Variants in SPEG observed in about 807,000 individuals in gnomAD.
The protein encoded by SPEG is striated muscle enriched protein kinase.
In SPEG, 114 loss-of-function variants were observed where a neutral mutation model predicts 300.4. That is an observed-to-expected ratio of 0.38 (90% CI 0.33 to 0.44). The LOEUF is 0.44. SPEG is among the 20% of genes least tolerant of loss of function. The pLI is 1.00. For synonymous variants in SPEG, 1,964 were observed against 2,018.9 expected, an observed-to-expected ratio of 0.97 and a Z score of 0.73; for missense variants, 4,201 against 4,586.2, an observed-to-expected ratio of 0.92 and a Z score of 2.43.
At position 219,483,388 on chromosome 2, in the gene SPEG, G is replaced by T. The variant is rs751166275; in HGVS notation, c.5925G>T (p.Glu1975Asp). 1 of 1,597,926 alleles carries T rather than the reference G, an allele frequency of 6.3e-7. No individual in the cohort carries two copies. Among genetic ancestry groups the T allele is most frequent in the Non-Finnish European group, 8.5e-7 (1 of 1,176,018 alleles). ...TGAATPMDWQEQGRAPSQDQE... is the reference protein window; with the variant it reads ...TGAATPMDWQDQGRAPSQDQE... ...CTGCCACCCCCATGGACTGGCAGGAGCAGGGAAGGGCTCCCTCTCAGGACC... is the reference window on the plus strand; with the variant it reads ...CTGCCACCCCCATGGACTGGCAGGATCAGGGAAGGGCTCCCTCTCAGGACC... Residue 1975 changes from glutamate (E) to aspartate (D), a missense_variant, in exon 30 of 41, where the codon GAG becomes GAT. Transcript: ENST00000312358.
In SPEG at chr2:219,484,596, C is replaced by A; in HGVS notation, c.7133C>A (p.Ala2378Glu). The change falls in exon 30 of 41, where the codon GCG becomes GAG. Residue 2378 changes from alanine (A) to glutamate (E), a missense_variant. By Grantham distance (107) the Ala-to-Glu change is moderately radical. Coordinates refer to ENST00000312358, the MANE Select transcript of SPEG (RefSeq NM_005876.5). ...GATGGCATATACCGGCCCAGCCCGG[C>A]GGGGACCCCGCTGGAGCTGGTGCGA... Reference protein sequence around the residue: ...EEDGIYRPSPAGTPLELVRRP... With the variant: ...EEDGIYRPSPEGTPLELVRRP... 2 of 1,565,924 alleles carry A rather than the reference C, an allele frequency of 1.3e-6. No homozygotes were observed. Among genetic ancestry groups the A allele is most frequent in the Non-Finnish European group, 1.7e-6 (2 of 1,159,892 alleles).
In SPEG at chr2:219,480,715, A is replaced by G. The variant is rs1220332543; in HGVS notation, c.5369+18A>G. 2.5e-6 allele frequency: 4 copies of G among 1,613,228 alleles called. No homozygotes were observed. The highest frequency in any genetic ancestry group is 1.7e-5 in the Admixed American group (1 of 60,010). ...TTCCTCTGGTAAGGACCCCTCTGCA[A>G]TGTCCCAGCAGTCTCCTGGCAGGTC... is the stretch of plus-strand genomic sequence containing the variant. On this transcript the variant is annotated intron_variant, in intron 26 of 40. Transcript: ENST00000312358. The surrounding 1 kb of genome is among the most constrained non-coding windows in gnomAD (Gnocchi z 5.3).
intron 30 of SPEG, 47 bp downstream of exon 30, chr2:219,485,119 T>A (rs781489202): frequency 1.3e-6 from 2 of 1,516,656 alleles, no homozygotes; most frequent in Admixed American, 4.0e-5. Flanking sequence ...GAGGGTGGGG[T>A]GCGCTGGAGA....
At chr2:219,469,123 C>T (rs750363528) in intron 12 of SPEG, 33 bp from the exon 13 acceptor site, 163 of 1,612,406 alleles carry the variant, frequency 1.0e-4, no homozygotes, top group Non-Finnish European at 1.3e-4. Context: ...GAGGCACGGC[C>T]CTGGGCCTGT....
Position 219,468,559 on chromosome 2 carries a change from G to A in SPEG, c.3143-19G>A. ...CCTCCTTAGCCTTCCCTATCTCTGA[G>A]CTGCCCCCTGCCCCACAGATGAGCT... On this transcript the variant is annotated intron_variant, in intron 10 of 40. Transcript: ENST00000312358. 1 of 1,608,546 alleles carries A rather than the reference G, an allele frequency of 6.2e-7. No individual in the cohort carries two copies. Among genetic ancestry groups the A allele is most frequent in the Non-Finnish European group, 8.5e-7 (1 of 1,178,612 alleles).
chr2:219,466,985 G>T, intron 9 of SPEG, 189 bp from the exon 10 acceptor site: 1 of 1,042,802 alleles, frequency 9.6e-7, no homozygotes, highest in South Asian at 2.7e-5. Context: ...AGCTTGGATT[G>T]CCATCTCAAA....
rs997692359 is a variant in SPEG, at chr2:219,492,946, G to A, written c.*160G>A. On this transcript the variant is annotated 3_prime_UTR_variant, in exon 41 of 41. Coordinates refer to ENST00000312358, the MANE Select transcript of SPEG (RefSeq NM_005876.5). ...TACCTCATAGACCTTCAAGGACAGA[G>A]ACCCCAGGGCCTGGACCTGATGCCA... 3.6e-6 allele frequency: 3 copies of A among 834,936 alleles called. No individual in the cohort carries two copies. Among genetic ancestry groups the A allele is most frequent in the Admixed American group, 2.0e-5 (1 of 50,148 alleles). The allele number at this position is 834,936 out of a possible 1,614,324, so 51.7% of individuals were successfully genotyped here. A position where few individuals can be genotyped will look rare whatever the true frequency, so the allele number is the denominator to read the frequency against.
Position 219,484,205 on chromosome 2 carries a change from A to C in SPEG, c.6742A>C (p.Ile2248Leu). The C allele has an allele frequency of 6.2e-7, 1 of 1,611,978 alleles. No individual in the cohort carries two copies. The highest frequency in any genetic ancestry group is 8.5e-7 in the Non-Finnish European group (1 of 1,179,672). The change falls in exon 30 of 41, where the codon ATC becomes CTC. Residue 2248 changes from isoleucine (I) to leucine (L), a missense_variant. Physicochemically the swap from Ile to Leu is conservative, Grantham distance 5. Around this residue, in one of 4 missense-constraint regions of SPEG, gnomAD observed 1,578 missense variants for 1,506.0 expected, o/e 1.05. Coordinates refer to ENST00000312358, the MANE Select transcript of SPEG (RefSeq NM_005876.5). ...GCTGCCCCTCACACCCTATGCTCAG[A>C]TCATTCAGTCCCTCCAGCTGTCAGG... ...LALPLTPYAQ[I>L]IQSLQLSGHA...
Position 219,472,286 on chromosome 2 carries a change from G to T in SPEG, c.3895G>T (p.Val1299Phe), listed in dbSNP as rs374660413. The change falls in exon 15 of 41, where the codon GTC becomes TTC. Residue 1299 changes from valine (V) to phenylalanine (F), a missense_variant. Coordinates refer to ENST00000312358, the MANE Select transcript of SPEG (RefSeq NM_005876.5). ...PQVVAVTGRM[V>F]TLTWNPPRSL... ...GGTGGTGGCTGTGACGGGGAGGATG[G>T]TCACACTCACATGGAACCCCCCCAG... 23 of 1,613,742 alleles carry T rather than the reference G, an allele frequency of 1.4e-5. No individual in the cohort carries two copies. The African/African-American group carries it at 2.7e-4, about 19-fold the overall frequency.
Position 219,458,753 on chromosome 2 carries a change from C to T in SPEG, c.2441-3129C>T, listed in dbSNP as rs918431772. Among the ~76,000 whole-genome samples, 1 of 152,228 alleles carries T rather than the reference C, an allele frequency of 6.6e-6. No homozygotes were observed. Among genetic ancestry groups the T allele is most frequent in the Non-Finnish European group, 1.5e-5 (1 of 68,042 alleles). On this transcript the variant is annotated intron_variant, in intron 6 of 40. Coordinates refer to ENST00000312358, the MANE Select transcript of SPEG (RefSeq NM_005876.5). The surrounding 1 kb of genome is among the most constrained non-coding windows in gnomAD (Gnocchi z 4.2). ...AGATCAGCAGTGGTCCCTAAGCTTT[C>T]ATGTGCCTAAGAGTCATCTGGGGTG...
In SPEG at chr2:219,481,517, A is replaced by C. The variant is rs1692840970; in HGVS notation, c.5522+61A>C. ...GTCACCCTCATACCACCTGCCTGCT[A>C]CTCCCAAACTCCTGCCCCTCGACAT... On this transcript the variant is annotated intron_variant, in intron 27 of 40. Coordinates refer to ENST00000312358, the MANE Select transcript of SPEG (RefSeq NM_005876.5). The surrounding 1 kb of genome is among the most constrained non-coding windows in gnomAD (Gnocchi z 5.4). 6.2e-7 allele frequency: 1 copy of C among 1,605,054 alleles called. No individual in the cohort carries two copies. Among genetic ancestry groups the C allele is most frequent in the East Asian group, 2.2e-5 (1 of 44,724 alleles).
chr2:219,491,837 C>T lies in SPEG; in HGVS notation c.9429C>T (p.Asp3143=). 6.2e-7 allele frequency: 1 copy of T among 1,612,494 alleles called. No individual in the cohort carries two copies. Among genetic ancestry groups the T allele is most frequent in the Non-Finnish European group, 8.5e-7 (1 of 1,179,384 alleles). ...VKGEPIGSAT[D]IWGAGVLTYI... ...GAGAACCCATCGGCTCTGCCACGGA[C>T]ATCTGGGGAGCGGGTGTGCTCACTT... The change falls in exon 39 of 41, where the codon GAC becomes GAT. Residue 3143 remains aspartate (D), a synonymous_variant. Coordinates refer to ENST00000312358, the MANE Select transcript of SPEG (RefSeq NM_005876.5).
chr2:219,444,920 C>T lies in SPEG; in HGVS notation c.574C>T (p.Gln192Ter). The change falls in exon 3 of 41, where the codon CAG becomes TAG. Residue 192 changes from glutamine to a stop codon, truncating the protein, a stop_gained. Coordinates refer to ENST00000312358, the MANE Select transcript of SPEG (RefSeq NM_005876.5). LOFTEE classifies it high-confidence loss of function. The surrounding 1 kb of genome is among the most constrained non-coding windows in gnomAD (Gnocchi z 7.8). ...GCAAGTGAGCTGGTGGGGCAGCGGGCAGACGGTCCTGGAGCAGGAAGCGGG... is the reference window on the plus strand; with the variant it reads ...GCAAGTGAGCTGGTGGGGCAGCGGGTAGACGGTCCTGGAGCAGGAAGCGGG... ...EEQVSWWGSG[Q>*]TVLEQEAGSG... 1 of 1,578,050 alleles carries T rather than the reference C, an allele frequency of 6.3e-7. No individual in the cohort carries two copies. The highest frequency in any genetic ancestry group is 8.6e-7 in the Non-Finnish European group (1 of 1,162,242).
intron 35 of SPEG, 57 bp downstream of exon 35, chr2:219,489,278 G>A (rs2125590888): frequency 1.2e-6 from 2 of 1,613,368 alleles, no homozygotes; most frequent in Non-Finnish European, 1.7e-6. Context: ...TAGGGTTCTT[G>A]TGGAGCACCA....
chr2:219,483,352 A>C lies in SPEG; in HGVS notation c.5889A>C (p.Pro1963=). The change falls in exon 30 of 41, where the codon CCA becomes CCC. Residue 1963 remains proline (P), a synonymous_variant. Coordinates refer to ENST00000312358, the MANE Select transcript of SPEG (RefSeq NM_005876.5). ...CTGAGGATGAGGCCCTGGGGACCCCAGAGACTGGGGCTGCCACCCCCATGG... is the reference window on the plus strand; with the variant it reads ...CTGAGGATGAGGCCCTGGGGACCCCCGAGACTGGGGCTGCCACCCCCATGG... ...IPTEDEALGT[P]ETGAATPMDW... 1 of 1,604,696 alleles carries C rather than the reference A, an allele frequency of 6.2e-7. No homozygotes were observed. Among genetic ancestry groups the C allele is most frequent in the Non-Finnish European group, 8.5e-7 (1 of 1,176,570 alleles).
At chr2:219,466,209 A>G in intron 9 of SPEG, 1 of 1,428,604 alleles carries the variant, frequency 7.0e-7, no homozygotes. Context: ...TCCCCTCCCC[A>G]CCCCATGCAG....
In SPEG at chr2:219,448,993, C is replaced by G. The variant is rs1416479227; in HGVS notation, c.1835C>G (p.Pro612Arg). The change falls in exon 4 of 41, where the codon CCG becomes CGG. Residue 612 changes from proline to arginine, a missense_variant. Pro to Arg is a moderately radical substitution (Grantham distance 103). Transcript: ENST00000312358. Reference sequence around the variant, plus strand: ...ATCCAGGAGTGCAGGAGCCCTGTGCCGCCCCCCGCCGCCGATCCCCCAGAG... The same window carrying G: ...ATCCAGGAGTGCAGGAGCCCTGTGCGGCCCCCCGCCGCCGATCCCCCAGAG... ...RAIQECRSPV[P>R]PPAADPPEAR... 4.0e-6 allele frequency: 6 copies of G among 1,482,754 alleles called. No homozygotes were observed. The highest frequency in any genetic ancestry group is 5.4e-6 in the Non-Finnish European group (6 of 1,119,354). 91.8% of individuals were successfully genotyped at this position (1,482,754 alleles called of 1,614,324 possible).
At chr2:219,453,080 C>T (rs185679956) in intron 6 of SPEG, among the ~76,000 whole-genome samples, 6 of 152,226 alleles carry the variant, frequency 3.9e-5, no homozygotes, top group African/African-American at 1.4e-4. Context: ...CCATCACCTC[C>T]GGGATCTGGC....
Position 219,483,681 on chromosome 2 carries a change from G to C in SPEG, c.6218G>C (p.Arg2073Pro). The change falls in exon 30 of 41, where the codon CGG (arginine) becomes CCG (proline). Residue 2073 changes from arginine (R) to proline (P), a missense_variant. Physicochemically the swap from Arg to Pro is moderately radical, Grantham distance 103 (BLOSUM62 -2). This residue lies in a region of SPEG where 1,578 missense variants were observed against 1,506.0 expected (regional missense o/e 1.05). Transcript: ENST00000312358. ...CAGAGGCTGCAGGCCCTGCGCCAGCGGCTGCTGCGGGGAGGCCCCGAGGAT... is the reference window on the plus strand; with the variant it reads ...CAGAGGCTGCAGGCCCTGCGCCAGCCGCTGCTGCGGGGAGGCCCCGAGGAT... ...YAQRLQALRQ[R>P]LLRGGPEDGK... is the part of the protein sequence containing the mutation. The C allele has an allele frequency of 6.5e-7, 1 of 1,533,604 alleles. No individual in the cohort carries two copies. Among genetic ancestry groups the C allele is most frequent in the South Asian group, 1.2e-5 (1 of 84,112 alleles). 95.0% of individuals were successfully genotyped at this position (1,533,604 alleles called of 1,614,324 possible). A position where few individuals can be genotyped will look rare whatever the true frequency, so the allele number is the denominator to read the frequency against.
Sources: gnomAD v4.1 joint callset for allele counts (sites outside exome capture counted in the v4.1 genomes callset) on GRCh38, gnomAD v4.1.1 for gene constraint, gnomAD v4.1.1 regional missense constraint, Gnocchi (gnomAD v3.1) non-coding constraint, MANE v1.5 for transcripts, NCBI Gene and HGNC (gene_info 2026-07-23, HGNC 2026-07-21) for gene names.